PPARG: variants seen among roughly 807,000 people sequenced by gnomAD.
PPARG encodes peroxisome proliferator-activated receptor gamma.
PPARG carries 17 observed loss-of-function variants against 39.2 expected under a neutral mutation model. The observed-to-expected ratio is 0.43, with a 90% confidence interval of 0.30 to 0.65. The LOEUF (loss-of-function observed/expected upper bound fraction) is 0.65, where lower values mean the gene tolerates loss of function less well. Among genes scored for constraint, PPARG ranks in the 30% least tolerant of loss-of-function variants. PPARG has a pLI of 0.13. For missense variants in PPARG, 406 were observed against 585.9 expected (o/e 0.69, Z 3.17); for synonymous variants, 223 against 215.7 (o/e 1.03, Z -0.30).
chr3:12,306,428 A>T (rs1023980418), intron 1 of PPARG, among the ~76,000 whole-genome samples: 1 of 151,954 alleles, frequency 6.6e-6, no homozygotes, highest in Admixed American at 6.6e-5. Context: ...AGTCAGATGA[A>T]GAAACAGGAA....
intron 2 of PPARG, among the ~76,000 whole-genome samples, chr3:12,339,017 A>G (rs1450759545): frequency 6.6e-6 from 1 of 152,246 alleles, no homozygotes; most frequent in African/African-American, 2.4e-5. Flanking sequence ...TTCCTCAGAA[A>G]TCGGAAACAA....
At chr3:12,403,537 G>T (rs1478149775) in intron 5 of PPARG, among the ~76,000 whole-genome samples, 2 of 151,788 alleles carry the variant, frequency 1.3e-5, no homozygotes, top group East Asian at 1.9e-4. Flanking sequence ...TTTTATTTTT[G>T]TACAGACAGG....
At chr3:12,425,178 G>A (rs1343888030) in intron 7 of PPARG, among the ~76,000 whole-genome samples, 3 of 152,218 alleles carry the variant, frequency 2.0e-5, no homozygotes, top group Admixed American at 6.5e-5. Flanking sequence ...GCTTGGAAGT[G>A]GGGAGGATTC....
At chr3:12,304,033 A>G (rs527981494) in intron 1 of PPARG, among the ~76,000 whole-genome samples, 3 of 152,360 alleles carry the variant, frequency 2.0e-5, no homozygotes, top group African/African-American at 4.8e-5. Context: ...TAGTTCCACA[A>G]TTCTTTTTAA....
chr3:12,379,152 G>A lies in PPARG; in HGVS notation c.-8-552G>A, dbSNP rs59475814. ...CTCCCAAGTAGCTGGGATTACAGGC[G>A]TGCTACCACACCCGGCCAATTTTTG... On this transcript the variant is annotated intron_variant, in intron 2 of 7. Transcript: ENST00000651735. Among the ~76,000 whole-genome samples the A allele has an allele frequency of 2.5e-3, 375 of 151,886 alleles. 2 individuals are homozygous for A. Among genetic ancestry groups the A allele is most frequent in the African/African-American group, 8.5e-3 (353 of 41,416 alleles).
intron 5 of PPARG, among the ~76,000 whole-genome samples, chr3:12,399,890 T>A (rs1358223557): frequency 6.7e-6 from 1 of 149,920 alleles, no homozygotes; most frequent in African/African-American, 2.5e-5. Flanking sequence ...CTTGGGAGGC[T>A]GAGGCAGAAT....
intron 2 of PPARG, among the ~76,000 whole-genome samples, chr3:12,372,565 T>C (rs1481847145): frequency 4.6e-5 from 7 of 152,220 alleles, no homozygotes; most frequent in Admixed American, 3.3e-4. Context: ...TATTAGCTAA[T>C]GTAAATATGA....
rs1800571 is a variant in PPARG at position 12,381,349 on chromosome 3, C to T, written c.248C>T (p.Pro83Leu). 1.2e-6 allele frequency: 2 copies of T among 1,613,144 alleles called. No homozygotes were observed. Among genetic ancestry groups the T allele is most frequent in the African/African-American group, 1.3e-5 (1 of 74,862 alleles). The change falls in exon 4 of 8, where the codon CCA becomes CTA. Residue 83 changes from proline (P) to leucine (L), a missense_variant. Pro to Leu is a moderately conservative substitution (Grantham distance 98, BLOSUM62 -3). Coordinates refer to ENST00000651735, the MANE Select transcript of PPARG (RefSeq NM_138711.6). ...GCAATCAAAGTGGAGCCTGCATCTC[C>T]ACCTTATTATTCTGAGAAGACTCAG... Reference protein sequence around the residue: ...QSAIKVEPASPPYYSEKTQLY... With the variant: ...QSAIKVEPASLPYYSEKTQLY...
At chr3:12,393,140 A>T (rs1359223526) in intron 5 of PPARG, among the ~76,000 whole-genome samples, 2 of 149,338 alleles carry the variant, frequency 1.3e-5, no homozygotes, top group Non-Finnish European at 3.0e-5. Context: ...AATCCTGAAG[A>T]TGTCTGGGTC....
At chr3:12,417,608 T>TA (rs370565911) in intron 7 of PPARG, among the ~76,000 whole-genome samples, 1 of 152,306 alleles carries the variant, frequency 6.6e-6, no homozygotes, top group African/African-American at 2.4e-5. Context: ...ATCAGTAAGA[T>TA]ACTACTTTGA....
chr3:12,421,641 C>CT (rs1410082110), intron 7 of PPARG, among the ~76,000 whole-genome samples: 1 of 152,202 alleles, frequency 6.6e-6, no homozygotes, highest in Non-Finnish European at 1.5e-5. Flanking sequence ...TCAGTTCTTC[C>CT]TAAACCTCCA....
chr3:12,409,083 A>T (rs145328402), intron 6 of PPARG, among the ~76,000 whole-genome samples: 1 of 152,330 alleles, frequency 6.6e-6, no homozygotes, highest in African/African-American at 2.4e-5. Context: ...AGCGTTTGTC[A>T]TTTTCTTCCA....
At chr3:12,347,804 CTCA>C (rs368091684) in intron 2 of PPARG, among the ~76,000 whole-genome samples, 42 of 152,266 alleles carry the variant, frequency 2.8e-4, no homozygotes, top group African/African-American at 1.0e-3. Flanking sequence ...TTTCATTACT[CTCA>C]TCATCAACAA....
At chr3:12,375,301 G>A (rs756924677) in intron 2 of PPARG, among the ~76,000 whole-genome samples, 7 of 152,028 alleles carry the variant, frequency 4.6e-5, no homozygotes, top group African/African-American at 9.7e-5. Context: ...TGATTGATAG[G>A]AAGTCACTGA....
chr3:12,404,556 C>T (rs984184399), intron 5 of PPARG, among the ~76,000 whole-genome samples: 1 of 152,186 alleles, frequency 6.6e-6, no homozygotes, highest in African/African-American at 2.4e-5. Context: ...GTAACCCCAA[C>T]ACTTTGGGAG....
Position 12,434,118 on chromosome 3 carries a change from G to T in PPARG, c.1401G>T (p.Leu467=). The change falls in exon 8 of 8, where the codon CTG becomes CTT. Residue 467 remains leucine (L), a synonymous_variant. Coordinates refer to ENST00000651735, the MANE Select transcript of PPARG (RefSeq NM_138711.6). The surrounding 1 kb of genome is among the most constrained non-coding windows in gnomAD (Gnocchi z 4.2). ...CAGACATGAGTCTTCACCCGCTCCT[G>T]CAGGAGATCTACAAGGACTTGTACT... ...TETDMSLHPL[L]QEIYKDLY is the part of the protein sequence containing the mutation. 1.2e-6 allele frequency: 2 copies of T among 1,613,532 alleles called. No individual in the cohort carries two copies. The highest frequency in any genetic ancestry group is 1.7e-6 in the Non-Finnish European group (2 of 1,179,864).
rs1242523252 is a variant in PPARG, at chr3:12,372,528, C to T, written c.-8-7176C>T. Among the ~76,000 whole-genome samples the T allele has an allele frequency of 2.0e-5, 3 of 152,178 alleles. 1 individual carries two copies. Among genetic ancestry groups the T allele is most frequent in the Non-Finnish European group, 4.4e-5 (3 of 68,032 alleles). On this transcript the variant is annotated intron_variant, in intron 2 of 7. Transcript: ENST00000651735. ...TCCGGGCACAATATTTGGCGTAGTA[C>T]TTTGCACAGATTTAGTGTCCTGTTA...
At chr3:12,431,435 A>G (rs2051655575) in intron 7 of PPARG, among the ~76,000 whole-genome samples, 2 of 152,190 alleles carry the variant, frequency 1.3e-5, no homozygotes, top group African/African-American at 4.8e-5. Flanking sequence ...AATCAAATGA[A>G]TTAAGCATTC....
At chr3:12,296,974 C>T (rs2046803918) in intron 1 of PPARG, among the ~76,000 whole-genome samples, 1 of 152,028 alleles carries the variant, frequency 6.6e-6, no homozygotes, top group South Asian at 2.1e-4. Flanking sequence ...GATTTACACT[C>T]ATATATATCT....
Sources: gnomAD v4.1 joint callset for allele counts (sites outside exome capture counted in the v4.1 genomes callset) on GRCh38, gnomAD v4.1.1 for gene constraint, Gnocchi (gnomAD v3.1) non-coding constraint, MANE v1.5 for transcripts, NCBI Gene and HGNC (gene_info 2026-07-23, HGNC 2026-07-21) for gene names.